Variants in BPIFC observed in about 807,000 individuals in gnomAD.
BPIFC encodes the protein BPI fold containing family C.
A neutral mutation model predicts 57.6 loss-of-function variants in BPIFC; 60 were observed. The ratio of observed to expected loss-of-function variants is 1.04; its 90% CI spans 0.85 to 1.29. The LOEUF (loss-of-function observed/expected upper bound fraction) is 1.29, where lower values mean the gene tolerates loss of function less well. BPIFC is among the 50% of genes most tolerant of loss of function. The pLI, the probability that BPIFC is intolerant of heterozygous loss-of-function variation, is 0.00. For missense variants in BPIFC, 581 were observed against 600.5 expected (o/e 0.97, Z 0.34); for synonymous variants, 243 against 224.5 (o/e 1.08, Z -0.74).
intron 3 of BPIFC, among the ~76,000 whole-genome samples, chr22:32,454,072 T>C (rs1352472776): frequency 6.6e-6 from 1 of 152,160 alleles, no homozygotes; most frequent in Non-Finnish European, 1.5e-5. Context: ...GATTGCACCA[T>C]TGTACTCTAA....
At chr22:32,461,198 T>G (rs1056145663) in intron 2 of BPIFC, among the ~76,000 whole-genome samples, 1 of 152,150 alleles carries the variant, frequency 6.6e-6, no homozygotes, top group South Asian at 2.1e-4. Flanking sequence ...CCTTAGCTAT[T>G]AAGGCATTTT....
intron 13 of BPIFC, among the ~76,000 whole-genome samples, chr22:32,430,547 T>C (rs990557719): frequency 1.5e-4 from 21 of 144,786 alleles, no homozygotes; most frequent in Middle Eastern, 7.2e-3. Flanking sequence ...ATAAAATGTT[T>C]TATATAAATA....
At chr22:32,462,168 C>CCAAAAA (rs1935174454) in intron 1 of BPIFC, among the ~76,000 whole-genome samples, 1 of 53,600 alleles carries the variant, frequency 1.9e-5, no homozygotes, top group Non-Finnish European at 3.2e-5. Context: ...GACTCCATCT[C>CCAAAAA]AAAAAAAAAA....
At chr22:32,457,016 T>C (rs1019920834) in intron 3 of BPIFC, among the ~76,000 whole-genome samples, 1 of 152,206 alleles carries the variant, frequency 6.6e-6, no homozygotes, top group Non-Finnish European at 1.5e-5. Context: ...ATTATGTGTA[T>C]ATATGGGAAA....
intron 1 of BPIFC, among the ~76,000 whole-genome samples, chr22:32,462,668 CAG>C (rs1935191107): frequency 6.6e-6 from 1 of 152,214 alleles, no homozygotes; most frequent in South Asian, 2.1e-4. Flanking sequence ...CAAGATCCCA[CAG>C]TAAGTAAGGC....
intron 1 of BPIFC, among the ~76,000 whole-genome samples, chr22:32,462,828 T>C (rs71313129): frequency 6.6e-6 from 1 of 152,238 alleles, no homozygotes; most frequent in Non-Finnish European, 1.5e-5. Flanking sequence ...CTTTTTGTTG[T>C]TGTTGTTTAA....
Position 32,429,801 on chromosome 22 carries a change from G to T in BPIFC, c.1217+1546C>A, listed in dbSNP as rs143529672. On this transcript the variant is annotated intron_variant, in intron 13 of 16. Transcript: ENST00000300399. The stretch of plus-strand genomic sequence containing the variant: ...AAGTGCTGGGATTACAGGTGTGAGC[G>T]ACCGCGCCTGGCCATTTTCCATGTT... Among the ~76,000 whole-genome samples the T allele has an allele frequency of 2.6e-5, 4 of 151,886 alleles. No homozygotes were observed. In the South Asian group the frequency reaches 8.3e-4, roughly 32 times the overall value.
At chr22:32,419,183 G>C (rs367601696) in intron 14 of BPIFC, among the ~76,000 whole-genome samples, 179 bp downstream of exon 14, 1 of 152,238 alleles carries the variant, frequency 6.6e-6, no homozygotes, top group Non-Finnish European at 1.5e-5. Flanking sequence ...AGTTCCTCTC[G>C]TGAATGGTTA....
chr22:32,429,708 G>T (rs906186560), intron 13 of BPIFC, among the ~76,000 whole-genome samples: 1 of 151,206 alleles, frequency 6.6e-6, no homozygotes, highest in Admixed American at 6.6e-5. Flanking sequence ...GTAGAGATGG[G>T]GTTTCACTAT....
intron 13 of BPIFC, among the ~76,000 whole-genome samples, chr22:32,431,018 T>C (rs967907950): frequency 3.9e-5 from 6 of 152,212 alleles, no homozygotes; most frequent in African/African-American, 1.4e-4. Flanking sequence ...AAAGAAAAGC[T>C]TGACAGTACC....
chr22:32,426,911 A>C (rs1934085237), intron 13 of BPIFC, among the ~76,000 whole-genome samples: 1 of 151,840 alleles, frequency 6.6e-6, no homozygotes, highest in African/African-American at 2.4e-5. Flanking sequence ...AAAGAAAGAA[A>C]GAAAAAAGAA....
At chr22:32,458,447 T>C (rs1172359006) in intron 2 of BPIFC, among the ~76,000 whole-genome samples, 1 of 152,216 alleles carries the variant, frequency 6.6e-6, no homozygotes, top group African/African-American at 2.4e-5. Context: ...TTATTATGAC[T>C]CCACCATTGC....
At chr22:32,433,954 A>G (rs1934316096) in intron 10 of BPIFC, among the ~76,000 whole-genome samples, 182 bp from the exon 11 acceptor site, 2 of 152,122 alleles carry the variant, frequency 1.3e-5, no homozygotes, top group African/African-American at 2.4e-5. Flanking sequence ...TCAGAGAAGT[A>G]AAGTGACTTG....
chr22:32,463,524 C>A (rs547001164), intron 1 of BPIFC, among the ~76,000 whole-genome samples: 1 of 152,048 alleles, frequency 6.6e-6, no homozygotes, highest in South Asian at 2.1e-4. Flanking sequence ...ACCTGAAACT[C>A]ACAGATGGTC....
chr22:32,431,893 G>GAC (rs1934253699), intron 12 of BPIFC, among the ~76,000 whole-genome samples: 1 of 152,060 alleles, frequency 6.6e-6, no homozygotes, highest in Non-Finnish European at 1.5e-5. Flanking sequence ...ATGTATGAGA[G>GAC]TGTGAGTGCT....
At chr22:32,457,504 C>T in intron 2 of BPIFC, 118 bp from the exon 3 acceptor site, 1 of 1,063,656 alleles carries the variant, frequency 9.4e-7, no homozygotes, top group Non-Finnish European at 1.3e-6. Flanking sequence ...CTCAATACAT[C>T]CATCCAATCC....
intron 13 of BPIFC, among the ~76,000 whole-genome samples, chr22:32,424,595 CT>C (rs1200889304): frequency 1.1e-5 from 1 of 92,226 alleles, no homozygotes; most frequent in African/African-American, 7.4e-5. Context: ...TCTTCTTCTT[CT>C]TCTTCTCCTC....
chr22:32,448,988 C>T (rs1934812561), intron 4 of BPIFC, among the ~76,000 whole-genome samples: 1 of 151,964 alleles, frequency 6.6e-6, no homozygotes, highest in African/African-American at 2.4e-5. Context: ...TTGCTACCTG[C>T]CAGGCATTGT....
intron 13 of BPIFC, among the ~76,000 whole-genome samples, chr22:32,430,562 A>T (rs1601455218): frequency 6.9e-6 from 1 of 143,988 alleles, no homozygotes; most frequent in East Asian, 1.9e-4. Context: ...TAAATATAAA[A>T]ATATATTTAT....
Sources: gnomAD v4.1 joint callset for allele counts (sites outside exome capture counted in the v4.1 genomes callset) on GRCh38, gnomAD v4.1.1 for gene constraint, MANE v1.5 for transcripts, NCBI Gene and HGNC (gene_info 2026-07-23, HGNC 2026-07-21) for gene names.